LUC7L2: variants seen among roughly 807,000 people sequenced by gnomAD.
LUC7L2 encodes putative RNA-binding protein Luc7-like 2.
LUC7L2 carries 25 observed loss-of-function variants against 52.8 expected under a neutral mutation model. The observed-to-expected ratio is 0.47, with a 90% CI of 0.34 to 0.66. The LOEUF is 0.66. Ranked by LOEUF, LUC7L2 falls within the 30% of genes least tolerant of loss-of-function variation. The probability of loss-of-function intolerance (pLI) is 0.01; values close to 1 mark genes in which losing one functional copy is unlikely to be tolerated. For synonymous variants in LUC7L2, 144 were observed against 160.9 expected (o/e 0.89, Z 0.80); for missense variants, 328 against 497.8 (o/e 0.66, Z 3.25).
chr7:139,387,732 T>C (rs1246577679), intron 2 of LUC7L2, among the ~76,000 whole-genome samples: 2 of 152,204 alleles, frequency 1.3e-5, no homozygotes, highest in Non-Finnish European at 2.9e-5. Flanking sequence ...CTTGAATGAA[T>C]AAATCGTATA....
chr7:139,396,249 G>T (rs1232580845), intron 2 of LUC7L2, among the ~76,000 whole-genome samples: 2 of 151,980 alleles, frequency 1.3e-5, no homozygotes, highest in Non-Finnish European at 2.9e-5. Flanking sequence ...ACCAGCCTGG[G>T]CAAGATAGCA....
At chr7:139,372,058 A>C (rs117431389) in intron 1 of LUC7L2, among the ~76,000 whole-genome samples, 1 of 152,156 alleles carries the variant, frequency 6.6e-6, no homozygotes. Flanking sequence ...AAAATGAAAA[A>C]CACCTCACTT....
At chr7:139,376,653 T>G (rs996700917) in intron 2 of LUC7L2, among the ~76,000 whole-genome samples, 4 of 152,218 alleles carry the variant, frequency 2.6e-5, no homozygotes, top group Non-Finnish European at 4.4e-5. Flanking sequence ...TCAATTTAGA[T>G]TCTATGTCTG....
chr7:139,356,971 T>C (rs1799624694), upstream of LUC7L2, among the ~76,000 whole-genome samples: 2 of 152,064 alleles, frequency 1.3e-5, no homozygotes, highest in Non-Finnish European at 2.9e-5. Flanking sequence ...ATAAGAGAAC[T>C]AAAAGACCTG....
At position 139,376,068 on chromosome 7, in the gene LUC7L2, C is replaced by T. The variant is rs547568435; in HGVS notation, c.68C>T (p.Thr23Ile). The change falls in exon 2 of 10, where the codon ACA becomes ATA. Residue 23 changes from threonine (T) to isoleucine (I), a missense_variant. Thr to Ile is a moderately conservative substitution (Grantham distance 89, BLOSUM62 -1). This residue lies in a region of LUC7L2 where 133 missense variants were observed against 274.4 expected (regional missense o/e 0.48). Coordinates refer to ENST00000354926, the MANE Select transcript of LUC7L2 (RefSeq NM_016019.5). ...TAACTCTTCTATATTACAGGAGATA[C>T]AACTCGTCAACGAATCAAATTCAGT... The part of the protein sequence containing the change: ...QLMGTSRDGD[T>I]TRQRIKFSDD... 2.5e-6 allele frequency: 4 copies of T among 1,613,670 alleles called. No individual in the cohort carries two copies. In the South Asian group the frequency reaches 4.4e-5, roughly 18 times the overall value.
intron 2 of LUC7L2, among the ~76,000 whole-genome samples, chr7:139,378,258 CTTTA>C (rs1335917246): frequency 1.3e-5 from 2 of 151,944 alleles, no homozygotes; most frequent in Non-Finnish European, 2.9e-5. Context: ...TAAAATTTAA[CTTTA>C]TTTAATTTAA....
At chr7:139,398,840 CT>C (rs1794773348) in intron 3 of LUC7L2, 143 bp downstream of exon 3, 2 of 618,220 alleles carry the variant, frequency 3.2e-6, no homozygotes, top group Non-Finnish European at 5.1e-6. Flanking sequence ...AGATCATGTA[CT>C]TTCTTGACAA....
chr7:139,406,854 TTTA>T (rs1402915485), intron 5 of LUC7L2, among the ~76,000 whole-genome samples: 1 of 152,000 alleles, frequency 6.6e-6, no homozygotes, highest in Non-Finnish European at 1.5e-5. Flanking sequence ...GTCTTCTGAT[TTTA>T]TTGTTTTTTT....
chr7:139,380,412 A>G (rs1038352252), intron 2 of LUC7L2, among the ~76,000 whole-genome samples: 1 of 151,970 alleles, frequency 6.6e-6, no homozygotes, highest in Admixed American at 6.6e-5. Flanking sequence ...AGCCTGGCCA[A>G]CATGTTGAAA....
intron 1 of LUC7L2, among the ~76,000 whole-genome samples, chr7:139,362,152 C>T (rs1799918853): frequency 6.6e-6 from 1 of 151,604 alleles, no homozygotes; most frequent in Non-Finnish European, 1.5e-5. Flanking sequence ...TGATCGAACT[C>T]ATATTTACGA....
At chr7:139,409,874 GGA>G (rs1041270426) in intron 7 of LUC7L2, among the ~76,000 whole-genome samples, 2 of 152,192 alleles carry the variant, frequency 1.3e-5, no homozygotes, top group African/African-American at 4.8e-5. Flanking sequence ...TAAAATGTGT[GGA>G]AGAGTGAATA....
At chr7:139,405,379 C>T (rs115104325) in intron 4 of LUC7L2, among the ~76,000 whole-genome samples, 1,539 of 152,208 alleles carry the variant, frequency 0.01, 29 homozygotes, top group African/African-American at 0.035. Flanking sequence ...TGGAAGAAAT[C>T]GTATTTTACA....
At position 139,370,169 on chromosome 7, in the gene LUC7L2, C is replaced by T. The variant is rs147945698; in HGVS notation, c.62-5893C>T. 8.8e-3 allele frequency among the ~76,000 whole-genome samples: 1,342 copies of T among 152,200 alleles called. 9 individuals are homozygous for T. The highest frequency in any genetic ancestry group is 0.015 in the Non-Finnish European group (1,042 of 68,002). ...GTCCTTTTGTAAAATGAACCCTATA[C>T]TTTGGATGGTTTAAATATACAGTGG... On this transcript the variant is annotated intron_variant, in intron 1 of 9. Coordinates refer to ENST00000354926, the MANE Select transcript of LUC7L2 (RefSeq NM_016019.5).
intron 3 of LUC7L2, among the ~76,000 whole-genome samples, chr7:139,401,836 C>T (rs1014030872): frequency 6.6e-6 from 1 of 151,440 alleles, no homozygotes; most frequent in African/African-American, 2.4e-5. Context: ...TCACTGCAGC[C>T]TCAGCCTCTT....
intron 1 of LUC7L2, chr7:139,371,548 G>T: frequency 5.2e-6 from 7 of 1,348,458 alleles, no homozygotes; most frequent in Admixed American, 2.1e-5. Context: ...GAGGGAGAGG[G>T]TGGGTAGTAC....
In LUC7L2 at chr7:139,376,078, A is replaced by G. The variant is rs750600991; in HGVS notation, c.78A>G (p.Gln26=). Residue 26 remains glutamine (Q), a synonymous_variant, in exon 2 of 10, where the codon CAA becomes CAG. Transcript: ENST00000354926. ...ATATTACAGGAGATACAACTCGTCAACGAATCAAATTCAGTGATGACAGAG... is the reference window on the plus strand; with the variant it reads ...ATATTACAGGAGATACAACTCGTCAGCGAATCAAATTCAGTGATGACAGAG... The part of the protein sequence containing the change: ...GTSRDGDTTR[Q]RIKFSDDRVC... The G allele has an allele frequency of 9.6e-5, 155 of 1,613,850 alleles. No homozygotes were observed. Among genetic ancestry groups the G allele is most frequent in the South Asian group, 3.5e-4 (32 of 91,076 alleles).
intron 1 of LUC7L2, among the ~76,000 whole-genome samples, chr7:139,370,942 A>G (rs1283136504): frequency 1.3e-5 from 2 of 152,186 alleles, no homozygotes; most frequent in East Asian, 3.9e-4. Context: ...TCAGGAAAAC[A>G]AGCTTTAAGC....
chr7:139,356,094 C>G (rs1799596859), upstream of LUC7L2, among the ~76,000 whole-genome samples: 1 of 151,998 alleles, frequency 6.6e-6, no homozygotes, highest in Non-Finnish European at 1.5e-5. Context: ...ATTGCTTGAG[C>G]CCAGGAGTTT....
At chr7:139,402,638 T>C (rs1032381800) in intron 4 of LUC7L2, among the ~76,000 whole-genome samples, 3 of 152,230 alleles carry the variant, frequency 2.0e-5, no homozygotes, top group Non-Finnish European at 4.4e-5. Context: ...GTCTCGTGCC[T>C]CAGCCTTCTG....
Sources: allele counts gnomAD v4.1 joint callset (sites outside exome capture counted in the v4.1 genomes callset), GRCh38; gene constraint gnomAD v4.1.1; regional missense constraint gnomAD v4.1.1; transcripts MANE v1.5; gene names NCBI Gene and HGNC (gene_info 2026-07-23, HGNC 2026-07-21).